The following EPC2 variants were observed in gnomAD, a reference collection of about 807,000 sequenced individuals.
EPC2 encodes enhancer of polycomb 2.
A neutral mutation model predicts 92.1 loss-of-function variants in EPC2; 14 were observed. The observed-to-expected ratio is 0.15, with a 90% CI of 0.10 to 0.24. EPC2 has a LOEUF of 0.24. EPC2 is among the 10% of genes least tolerant of loss of function. The pLI is 1.00. For synonymous variants in EPC2, 340 were observed against 334.7 expected (o/e 1.02, Z -0.17); for missense variants, 755 against 971.5 (o/e 0.78, Z 2.96).
chr2:148,713,119 A>G (rs1682186280), intron 2 of EPC2, among the ~76,000 whole-genome samples: 1 of 152,332 alleles, frequency 6.6e-6, no homozygotes, highest in East Asian at 1.9e-4. Context: ...TTTAATCGTT[A>G]TGTTAGAATG....
At chr2:148,671,143 T>G (rs1268644756) in intron 1 of EPC2, among the ~76,000 whole-genome samples, 1 of 152,234 alleles carries the variant, frequency 6.6e-6, no homozygotes, top group Admixed American at 6.5e-5. Flanking sequence ...TTTATGCTGA[T>G]AGTGGTATAT....
chr2:148,776,304 G>A (rs922329544), intron 10 of EPC2, among the ~76,000 whole-genome samples: 5 of 152,146 alleles, frequency 3.3e-5, no homozygotes, highest in Non-Finnish European at 2.9e-5. Context: ...AAGTATTTTA[G>A]TTTGACTATA....
At chr2:148,756,733 T>C (rs1000909287) in intron 4 of EPC2, among the ~76,000 whole-genome samples, 9 of 152,220 alleles carry the variant, frequency 5.9e-5, no homozygotes, top group Admixed American at 5.9e-4. Flanking sequence ...CTGTGCCTTC[T>C]CTCTTCCCTC....
chr2:148,669,115 A>G (rs1681106885), intron 1 of EPC2, among the ~76,000 whole-genome samples: 2 of 152,058 alleles, frequency 1.3e-5, no homozygotes, highest in Admixed American at 6.5e-5. Flanking sequence ...GCCATAGGTT[A>G]TTTAGAAGTG....
At chr2:148,663,592 A>ATTTTTTTTTTTT (rs56911412) in intron 1 of EPC2, among the ~76,000 whole-genome samples, 2 of 74,350 alleles carry the variant, frequency 2.7e-5, no homozygotes, top group African/African-American at 1.1e-4. Flanking sequence ...ATAGATTAAG[A>ATTTTTTTTTTTT]TTTTTTTTTT....
At chr2:148,693,887 TC>T in intron 2 of EPC2, among the ~76,000 whole-genome samples, 1 of 152,286 alleles carries the variant, frequency 6.6e-6, no homozygotes, top group Non-Finnish European at 1.5e-5. Flanking sequence ...GCCCCACCCC[TC>T]CTGTGTCCAG....
intron 7 of EPC2, among the ~76,000 whole-genome samples, chr2:148,766,840 G>T (rs188996592): frequency 1.1e-3 from 175 of 152,202 alleles, no homozygotes; most frequent in African/African-American, 3.9e-3. Context: ...TATATTGGTG[G>T]TACTAATGAG....
intron 2 of EPC2, among the ~76,000 whole-genome samples, chr2:148,733,031 A>G (rs763758369): frequency 7.6e-6 from 1 of 131,318 alleles, no homozygotes; most frequent in African/African-American, 2.5e-5. Context: ...CCAAATTCAG[A>G]CTTGAACTTT....
chr2:148,705,254 A>C (rs1681969268), intron 2 of EPC2, among the ~76,000 whole-genome samples: 1 of 152,138 alleles, frequency 6.6e-6, no homozygotes, highest in African/African-American at 2.4e-5. Context: ...CTCTTAAGTA[A>C]GATGTTATGT....
In EPC2 at chr2:148,647,294, C is replaced by T. The variant is rs144567380; in HGVS notation, c.153+2124C>T. Reference sequence around the variant, plus strand: ...TCATTAAAAATAAAAGTGCTTAACTCGTGTTGCAATTTTTTGTTTATTTGT... The same window carrying T: ...TCATTAAAAATAAAAGTGCTTAACTTGTGTTGCAATTTTTTGTTTATTTGT... On this transcript the variant is annotated intron_variant, in intron 1 of 13. Coordinates refer to ENST00000258484, the MANE Select transcript of EPC2 (RefSeq NM_015630.4). Among the ~76,000 whole-genome samples the T allele has an allele frequency of 3.3e-5, 5 of 152,110 alleles. No homozygotes were observed. In the East Asian group the frequency reaches 9.7e-4, roughly 29 times the overall value.
chr2:148,720,375 C>G (rs1383376253), intron 2 of EPC2, among the ~76,000 whole-genome samples: 1 of 152,162 alleles, frequency 6.6e-6, no homozygotes, highest in Non-Finnish European at 1.5e-5. Flanking sequence ...GCTTGGAATT[C>G]CAAGCCAGTG....
intron 11 of EPC2, 62 bp downstream of exon 11, chr2:148,781,842 A>G (rs1683756427): frequency 6.3e-7 from 1 of 1,584,334 alleles, no homozygotes; most frequent in African/African-American, 1.3e-5. Context: ...GTTTTATTCC[A>G]TTTTAGTCAA....
At chr2:148,672,421 C>T (rs1172826643) in intron 1 of EPC2, among the ~76,000 whole-genome samples, 3 of 152,190 alleles carry the variant, frequency 2.0e-5, no homozygotes, top group Non-Finnish European at 4.4e-5. Flanking sequence ...CTATCTCTCA[C>T]ATGCTGACTT....
At chr2:148,695,687 A>G (rs1166897410) in intron 2 of EPC2, among the ~76,000 whole-genome samples, 1 of 152,226 alleles carries the variant, frequency 6.6e-6, no homozygotes, top group Non-Finnish European at 1.5e-5. Flanking sequence ...TTCAGAACAA[A>G]TGAAGAGCAT....
At chr2:148,674,907 T>C (rs1015035407) in intron 1 of EPC2, among the ~76,000 whole-genome samples, 2 of 152,234 alleles carry the variant, frequency 1.3e-5, no homozygotes, top group African/African-American at 4.8e-5. Flanking sequence ...TCCATCTTGC[T>C]CCCTTTACTG....
chr2:148,753,137 A>T (rs189763849), intron 3 of EPC2, among the ~76,000 whole-genome samples: 1 of 152,308 alleles, frequency 6.6e-6, no homozygotes, highest in Admixed American at 6.5e-5. Flanking sequence ...GCAAGGCAAC[A>T]AATATGACCA....
chr2:148,676,841 T>C (rs976555700), intron 1 of EPC2, among the ~76,000 whole-genome samples: 20 of 144,178 alleles, frequency 1.4e-4, no homozygotes, highest in African/African-American at 4.6e-4. Context: ...ATGATGACCA[T>C]TTTTATATAG....
chr2:148,766,730 G>A (rs887913138), intron 7 of EPC2, among the ~76,000 whole-genome samples: 1 of 152,198 alleles, frequency 6.6e-6, no homozygotes, highest in African/African-American at 2.4e-5. Context: ...GTAATACCCA[G>A]ATGGCAGATA....
intron 3 of EPC2, among the ~76,000 whole-genome samples, chr2:148,752,636 T>C (rs1339939716): frequency 6.6e-6 from 1 of 152,190 alleles, no homozygotes; most frequent in African/African-American, 2.4e-5. Context: ...TGACATGGAC[T>C]ACAATACTTG....
Sources: allele counts gnomAD v4.1 joint callset (sites outside exome capture counted in the v4.1 genomes callset), GRCh38; gene constraint gnomAD v4.1.1; transcripts MANE v1.5; gene names NCBI Gene and HGNC (gene_info 2026-07-23, HGNC 2026-07-21).